Variants in DPP6 observed in about 807,000 individuals in gnomAD.
DPP6 encodes A-type potassium channel modulatory protein DPP6.
A neutral mutation model predicts 122.6 loss-of-function variants in DPP6; 69 were observed. The observed-to-expected ratio is 0.56, with a 90% CI of 0.46 to 0.69. DPP6 has a LOEUF of 0.69. DPP6 is among the 30% of genes least tolerant of loss of function. The pLI is 0.00. For synonymous variants in DPP6, 418 were observed against 433.1 expected (o/e 0.97, Z 0.43); for missense variants, 928 against 1,116.9 (o/e 0.83, Z 2.41).
chr7:154,609,633 G>A (rs1833785164), intron 5 of DPP6, among the ~76,000 whole-genome samples: 1 of 151,994 alleles, frequency 6.6e-6, no homozygotes, highest in South Asian at 2.1e-4. Context: ...ACACATACAT[G>A]AGCACACACA....
At chr7:153,877,166 G>A in the DPP6 span, among the ~76,000 whole-genome samples, 3 of 151,840 alleles carry the variant, frequency 2.0e-5, no homozygotes, top group South Asian at 2.1e-4. Flanking sequence ...ATATGTTAAC[G>A]TTAGCCTACT....
At chr7:153,810,670 T>TCC in the DPP6 span, among the ~76,000 whole-genome samples, 2 of 101,904 alleles carry the variant, frequency 2.0e-5, no homozygotes, top group East Asian at 5.4e-4. Context: ...CCTCTCTCTC[T>TCC]CCTCTCTCTC....
rs12531415 is a variant in DPP6, at chr7:153,902,420, C to A, written c.51+14686C>A. ...AACTGGGAGACAGGGGTTCTGTCTC[C>A]CTTGATGTTTGCATTTTAAAAAGAT... is the stretch of plus-strand genomic sequence containing the variant. On this transcript the variant is annotated intron_variant, in intron 1 of 25. Transcript: ENST00000404039. Among the ~76,000 whole-genome samples, 384 of 152,064 alleles carry A rather than the reference C, an allele frequency of 2.5e-3. 10 individuals are homozygous for A. The highest frequency in any genetic ancestry group is 0.023 in the Admixed American group (359 of 15,288).
Position 154,525,064 on chromosome 7 carries a change from T to G in DPP6, c.458-15468T>G, listed in dbSNP as rs184244648. On this transcript the variant is annotated intron_variant, in intron 3 of 25. Coordinates refer to ENST00000377770, the MANE Select transcript of DPP6 (RefSeq NM_130797.4). ...TGGACAAAACTAGCAAGTGTGTAGT[T>G]TTGAACAATAAAGAAACATTGGTTC... Among the ~76,000 whole-genome samples the G allele has an allele frequency of 1.6e-4, 25 of 152,306 alleles. 1 individual carries two copies. The East Asian group carries it at 4.8e-3, about 29-fold the overall frequency.
chr7:154,720,957 G>C (rs942692194), intron 7 of DPP6, among the ~76,000 whole-genome samples: 1 of 152,218 alleles, frequency 6.6e-6, no homozygotes, highest in Non-Finnish European at 1.5e-5. Flanking sequence ...GCCAGCTGCT[G>C]ACGCAGCTGC....
At chr7:154,385,806 A>G (rs1221967150) in intron 1 of DPP6, among the ~76,000 whole-genome samples, 1 of 152,154 alleles carries the variant, frequency 6.6e-6, no homozygotes, top group Non-Finnish European at 1.5e-5. Flanking sequence ...ATGGTATTTG[A>G]TTACTCAATA....
intron 16 of DPP6, chr7:154,838,695 G>C (rs1025779767): frequency 1.3e-5 from 2 of 152,332 alleles, no homozygotes; most frequent in East Asian, 3.9e-4. Flanking sequence ...ACCGGATAAC[G>C]GGAGGCTTTG....
Position 154,885,619 on chromosome 7 carries a change from T to C in DPP6, c.2134-14T>C, listed in dbSNP as rs896169368. The C allele has an allele frequency of 3.2e-6, 5 of 1,557,860 alleles. No individual in the cohort carries two copies. Among genetic ancestry groups the C allele is most frequent in the African/African-American group, 1.4e-5 (1 of 73,320 alleles). ...CCAGGACTCCTAACTGTCTTCTCTC[T>C]GCGCTTTCTCCAGGATTACGGTGGC... On this transcript the variant is annotated splice_polypyrimidine_tract_variant and intron_variant, in intron 21 of 25. Coordinates refer to ENST00000377770, the MANE Select transcript of DPP6 (RefSeq NM_130797.4).
chr7:154,111,521 A>G (rs1328166950), intron 1 of DPP6, among the ~76,000 whole-genome samples: 1 of 152,176 alleles, frequency 6.6e-6, no homozygotes, highest in African/African-American at 2.4e-5. Flanking sequence ...AGAGTAAATC[A>G]TGATTTATGC....
intron 1 of DPP6, among the ~76,000 whole-genome samples, chr7:154,105,941 G>A (rs887304211): frequency 4.0e-5 from 6 of 149,250 alleles, no homozygotes; most frequent in African/African-American, 1.5e-4. Context: ...GCATGGCCCC[G>A]ACTCGCTTTC....
intron 8 of DPP6, among the ~76,000 whole-genome samples, chr7:154,756,589 C>G (rs373248563): frequency 6.6e-6 from 1 of 152,062 alleles, no homozygotes; most frequent in African/African-American, 2.4e-5. Context: ...ATTTCAGCCT[C>G]GAAAGTCTAG....
Position 154,061,904 on chromosome 7 carries a change from T to TC in DPP6, c.243+8848dup, listed in dbSNP as rs1299197491. ...GCAGGGACTGAGAGGCAATCCCTCT[T>TC]CCCCCCCTGGCTCTGAGGACCCCCA... On this transcript the variant is annotated intron_variant, in intron 1 of 25. Coordinates refer to ENST00000377770, the MANE Select transcript of DPP6 (RefSeq NM_130797.4). 3.0e-3 allele frequency among the ~76,000 whole-genome samples: 366 copies of TC among 122,344 alleles called. 39 individuals carry two copies. The highest frequency in any genetic ancestry group is 5.3e-3 in the South Asian group (17 of 3,222). The allele number at this position is 122,344 out of a possible 152,430, so 80.3% of individuals were successfully genotyped here. A position where few individuals can be genotyped will look rare whatever the true frequency, so the allele number is the denominator to read the frequency against.
intron 1 of DPP6, among the ~76,000 whole-genome samples, chr7:154,433,816 C>T (rs568786019): frequency 1.3e-5 from 2 of 152,314 alleles, no homozygotes; most frequent in East Asian, 1.9e-4. Context: ...ATTACCTTCG[C>T]GTTTCCTTAC....
At chr7:154,122,303 C>T (rs73481379) in intron 1 of DPP6, among the ~76,000 whole-genome samples, 4,811 of 152,052 alleles carry the variant, frequency 0.032, 255 homozygotes, top group African/African-American at 0.11. Flanking sequence ...GCAGTGGTGA[C>T]GTGGAAATGT....
chr7:154,157,719 A>T (rs926525667), intron 1 of DPP6, among the ~76,000 whole-genome samples: 4 of 152,080 alleles, frequency 2.6e-5, no homozygotes, highest in African/African-American at 7.2e-5. Flanking sequence ...GAATCACCTG[A>T]GGTCGGGAGT....
chr7:154,137,979 T>G (rs1795661605), intron 1 of DPP6, among the ~76,000 whole-genome samples: 1 of 152,168 alleles, frequency 6.6e-6, no homozygotes. Context: ...GCTTACACAA[T>G]TCCTGGGGTC....
At chr7:153,752,514 G>T in the DPP6 span, among the ~76,000 whole-genome samples, 1 of 151,636 alleles carries the variant, frequency 6.6e-6, no homozygotes. Flanking sequence ...CTCCCAAATT[G>T]CTGGGATTAC....
chr7:154,790,997 G>A (rs149409963), intron 10 of DPP6, among the ~76,000 whole-genome samples: 4,765 of 152,094 alleles, frequency 0.031, 82 homozygotes, highest in Middle Eastern at 0.1. Flanking sequence ...CATGCCTGTA[G>A]TCCCAGCACT....
chr7:154,880,978 GTTC>G, intron 21 of DPP6, 36 bp downstream of exon 21: 1 of 1,611,996 alleles, frequency 6.2e-7, no homozygotes, highest in Non-Finnish European at 8.5e-7. Flanking sequence ...AAACCCCTCA[GTTC>G]CAGTGTGGCC....
Sources: allele counts gnomAD v4.1 joint callset (sites outside exome capture counted in the v4.1 genomes callset), GRCh38; gene constraint gnomAD v4.1.1; transcripts MANE v1.5; gene names NCBI Gene and HGNC (gene_info 2026-07-23, HGNC 2026-07-21).